POLA1: variants seen among roughly 807,000 people sequenced by gnomAD.
POLA1 encodes the protein DNA polymerase alpha catalytic subunit.
A neutral mutation model predicts 124.0 loss-of-function variants in POLA1; 15 were observed. The ratio of observed to expected loss-of-function variants is 0.12; its 90% CI spans 0.08 to 0.19. POLA1 has a LOEUF of 0.19. Among genes scored for constraint, POLA1 ranks in the 10% least tolerant of loss-of-function variants. The probability of loss-of-function intolerance (pLI) is 1.00; values close to 1 mark genes in which losing one functional copy is unlikely to be tolerated. For missense variants in POLA1, 886 were observed against 1,103.4 expected (o/e 0.80, Z 2.79); for synonymous variants, 408 against 389.4 (o/e 1.05, Z -0.56).
intron 34 of POLA1, among the ~76,000 whole-genome samples, chrX:24,876,459 C>T (rs1221941452): frequency 1.8e-5 from 2 of 110,743 alleles, no homozygotes; most frequent in Non-Finnish European, 3.8e-5. Context: ...CTGCTGATTC[C>T]AGGAAAATGC....
chrX:24,941,825 C>T (rs2047911172), intron 36 of POLA1, among the ~76,000 whole-genome samples: 1 of 112,145 alleles, frequency 8.9e-6, no homozygotes, highest in African/African-American at 3.2e-5. Flanking sequence ...GGCCTGTGAG[C>T]CCTGCAAGCC....
intron 35 of POLA1, among the ~76,000 whole-genome samples, chrX:24,904,898 C>T (rs1188450098): frequency 2.7e-5 from 3 of 110,715 alleles, no homozygotes; most frequent in Non-Finnish European, 5.7e-5. Flanking sequence ...GTGGCACACA[C>T]CTGTAATCCC....
intron 35 of POLA1, among the ~76,000 whole-genome samples, chrX:24,917,562 T>G (rs756339745): frequency 1.2e-4 from 13 of 112,078 alleles, no homozygotes; most frequent in African/African-American, 4.2e-4. Context: ...CTACCGTGAT[T>G]CAGTAACTAA....
At chrX:24,890,507 T>C (rs776768628) in intron 35 of POLA1, among the ~76,000 whole-genome samples, 1 of 112,500 alleles carries the variant, frequency 8.9e-6, no homozygotes, top group Admixed American at 9.4e-5. Flanking sequence ...TGATTTTTTC[T>C]TTATTTGACA....
At chrX:24,846,489 T>C (rs1468139202) in intron 34 of POLA1, among the ~76,000 whole-genome samples, 2 of 111,824 alleles carry the variant, frequency 1.8e-5, no homozygotes, top group Non-Finnish European at 3.8e-5. Flanking sequence ...TTGGTTCCTT[T>C]GTATAAAGTT....
intron 34 of POLA1, among the ~76,000 whole-genome samples, chrX:24,844,734 A>G (rs2046454631): frequency 8.9e-6 from 1 of 112,095 alleles, no homozygotes; most frequent in African/African-American, 3.2e-5. Context: ...AATAATTATG[A>G]CTACATTTTG....
At chrX:24,822,222 C>G (rs1486501204) in intron 31 of POLA1, among the ~76,000 whole-genome samples, 1 of 111,122 alleles carries the variant, frequency 9.0e-6, no homozygotes, top group Non-Finnish European at 1.9e-5. Context: ...AGTTTTTTGA[C>G]TTTCGAAGCC....
chrX:24,924,735 C>T (rs913901120), intron 35 of POLA1, among the ~76,000 whole-genome samples: 3 of 111,836 alleles, frequency 2.7e-5, no homozygotes, highest in Admixed American at 9.4e-5. Context: ...TGGATAGGAA[C>T]TGACTGGATC....
At chrX:24,927,078 T>A (rs983460458) in intron 35 of POLA1, among the ~76,000 whole-genome samples, 21 of 109,630 alleles carry the variant, frequency 1.9e-4, no homozygotes, top group Non-Finnish European at 3.4e-4. Context: ...CCTCAAGTGA[T>A]CTGCCCTCCT....
At position 24,996,209 on chromosome X, in the gene POLA1, C is replaced by G. The variant is rs2048605084; in HGVS notation, c.*259C>G. ...CAGAGCCCCTCCCCAAGCTCCCCTC[C>G]CCAAGCTCCTGAAGACCCGGTTTCT... On this transcript the variant is annotated 3_prime_UTR_variant, in exon 37 of 37. Coordinates refer to ENST00000379068, the MANE Select transcript of POLA1 (RefSeq NM_001330360.2). 1 of 263,613 alleles carries G rather than the reference C, an allele frequency of 3.8e-6. No homozygotes were observed. Among genetic ancestry groups the G allele is most frequent in the Admixed American group, 6.3e-5 (1 of 15,847 alleles). 21.7% of individuals were successfully genotyped at this position (263,613 alleles called of 1,213,427 possible).
At chrX:24,703,419 C>A in intron 3 of POLA1, 72 bp downstream of exon 3, 1 of 729,691 alleles carries the variant, frequency 1.4e-6, no homozygotes, top group Non-Finnish European at 2.1e-6. Context: ...TGTAGATTCT[C>A]ACTCATGTGG....
chrX:24,947,454 A>T (rs2047981136), intron 36 of POLA1, among the ~76,000 whole-genome samples: 1 of 106,010 alleles, frequency 9.4e-6, no homozygotes, highest in African/African-American at 3.4e-5. Flanking sequence ...TTTTTTTTTT[A>T]GAGACAAGGT....
chrX:24,782,168 A>G (rs757819299), intron 26 of POLA1, among the ~76,000 whole-genome samples: 1 of 112,215 alleles, frequency 8.9e-6, no homozygotes, highest in Non-Finnish European at 1.9e-5. Flanking sequence ...GTGAGGTCGA[A>G]CTGAGAGATT....
intron 36 of POLA1, among the ~76,000 whole-genome samples, chrX:24,995,496 G>A (rs561167600): frequency 2.7e-5 from 3 of 112,021 alleles, no homozygotes; most frequent in African/African-American, 9.7e-5. Context: ...TGAAAGTGGC[G>A]TCTGCGAGTA....
intron 35 of POLA1, among the ~76,000 whole-genome samples, chrX:24,923,363 A>G (rs1012689421): frequency 4.5e-5 from 5 of 111,627 alleles, no homozygotes; most frequent in African/African-American, 6.5e-5. Context: ...TAATTACTGC[A>G]TCATTCGTGG....
intron 34 of POLA1, among the ~76,000 whole-genome samples, chrX:24,845,538 C>T (rs891179803): frequency 8.9e-6 from 1 of 111,932 alleles, no homozygotes; most frequent in African/African-American, 3.2e-5. Context: ...GCCCCTGTAC[C>T]TTTAGGTTCT....
intron 30 of POLA1, among the ~76,000 whole-genome samples, chrX:24,817,699 A>G (rs2046016087): frequency 9.1e-6 from 1 of 109,986 alleles, no homozygotes; most frequent in African/African-American, 3.3e-5. Flanking sequence ...TGCAGTGTTG[A>G]TGCAAGTACA....
intron 35 of POLA1, among the ~76,000 whole-genome samples, chrX:24,923,061 G>A (rs1449319032): frequency 9.0e-6 from 1 of 111,351 alleles, no homozygotes; most frequent in Non-Finnish European, 1.9e-5. Context: ...GTCCCAGTGA[G>A]GACCCCATGG....
chrX:24,786,573 A>G (rs770242280), intron 26 of POLA1, among the ~76,000 whole-genome samples: 2 of 108,977 alleles, frequency 1.8e-5, no homozygotes, highest in South Asian at 4.0e-4. Context: ...CAGTGGCACA[A>G]TCATAGCTCA....
Sources: gnomAD v4.1 joint callset for allele counts (sites outside exome capture counted in the v4.1 genomes callset) on GRCh38, gnomAD v4.1.1 for gene constraint, MANE v1.5 for transcripts, NCBI Gene and HGNC (gene_info 2026-07-23, HGNC 2026-07-21) for gene names.